Variants in RALB observed in about 807,000 individuals in gnomAD.
RALB encodes ras-related protein Ral-B.
A neutral mutation model predicts 21.3 loss-of-function variants in RALB; 16 were observed. The observed-to-expected ratio is 0.75, with a 90% confidence interval of 0.51 to 1.14. RALB has a LOEUF of 1.14. Among genes scored for constraint, RALB ranks in the 50% most tolerant of loss-of-function variants. The pLI is 0.00. For missense variants in RALB, 161 were observed against 256.2 expected, an observed-to-expected ratio of 0.63 and a Z score of 2.54; for synonymous variants, 93 against 96.1, an observed-to-expected ratio of 0.97 and a Z score of 0.19.
intron 1 of RALB, among the ~76,000 whole-genome samples, chr2:120,272,374 A>G (rs1689685009): frequency 6.6e-6 from 1 of 152,248 alleles, no homozygotes; most frequent in Non-Finnish European, 1.5e-5. Flanking sequence ...TCTGTGCTTC[A>G]TGTTAGGGAC....
At chr2:120,279,323 C>T (rs565804827) in intron 2 of RALB, among the ~76,000 whole-genome samples, 12 of 152,036 alleles carry the variant, frequency 7.9e-5, no homozygotes, top group Non-Finnish European at 1.6e-4. Flanking sequence ...AGCCTTGATC[C>T]CCGGAGCTAC....
At chr2:120,291,375 T>C (rs1690300233) in intron 4 of RALB, among the ~76,000 whole-genome samples, 1 of 152,224 alleles carries the variant, frequency 6.6e-6, no homozygotes, top group Non-Finnish European at 1.5e-5. Context: ...AAAATATTTT[T>C]ATTAAATTAT....
At chr2:120,240,311 G>T (rs1281971505) in intron 1 of RALB, among the ~76,000 whole-genome samples, 1 of 149,786 alleles carries the variant, frequency 6.7e-6, no homozygotes, top group African/African-American at 2.5e-5. Context: ...TTGAGACAGG[G>T]TCTCCCTCTG....
chr2:120,293,531 A>G lies in RALB; in HGVS notation c.*271A>G. ...AAAGCTTAGCTATGTATAAAGTGCC[A>G]CAGATAGGAAACAGCTGTTAATTAC... On this transcript the variant is annotated 3_prime_UTR_variant, in exon 5 of 5. Transcript: ENST00000272519. The G allele has an allele frequency of 4.7e-6, 1 of 212,500 alleles. No homozygotes were observed. Among genetic ancestry groups the G allele is most frequent in the Non-Finnish European group, 9.3e-6 (1 of 107,730 alleles). The allele number at this position is 212,500 out of a possible 1,614,324, so 13.2% of individuals were successfully genotyped here.
At chr2:120,277,676 G>A (rs981994165) in intron 1 of RALB, among the ~76,000 whole-genome samples, 2 of 75,906 alleles carry the variant, frequency 2.6e-5, no homozygotes, top group Admixed American at 1.1e-4. Context: ...CGTTGTGAAC[G>A]TGTTATGAGT....
intron 1 of RALB, among the ~76,000 whole-genome samples, chr2:120,262,542 G>T (rs1304688802): frequency 6.6e-6 from 1 of 152,050 alleles, no homozygotes; most frequent in Non-Finnish European, 1.5e-5. Flanking sequence ...CTGCACTTCT[G>T]GTGGTGACTG....
intron 1 of RALB, among the ~76,000 whole-genome samples, chr2:120,256,476 C>G (rs1244500731): frequency 6.6e-6 from 1 of 151,888 alleles, no homozygotes; most frequent in Non-Finnish European, 1.5e-5. Flanking sequence ...GTAATTGAAT[C>G]ATGAGGGCAG....
At chr2:120,291,242 C>T (rs1690296720) in intron 4 of RALB, among the ~76,000 whole-genome samples, 1 of 152,184 alleles carries the variant, frequency 6.6e-6, no homozygotes, top group African/African-American at 2.4e-5. Flanking sequence ...ATATAGGATA[C>T]ATATATTGTA....
At chr2:120,251,223 C>G (rs914037124), upstream of RALB, among the ~76,000 whole-genome samples, 6 of 152,198 alleles carry the variant, frequency 3.9e-5, no homozygotes, top group Admixed American at 2.0e-4. Context: ...TTGCATTTGA[C>G]AAAGGGTACC....
upstream of RALB, among the ~76,000 whole-genome samples, chr2:120,249,618 G>C (rs1689022806): frequency 1.3e-5 from 2 of 152,158 alleles, no homozygotes; most frequent in Non-Finnish European, 2.9e-5. Flanking sequence ...CTCACTCATT[G>C]CCAAGGAGTA....
At chr2:120,245,940 C>A (rs1171102795) in intron 1 of RALB, among the ~76,000 whole-genome samples, 2 of 152,176 alleles carry the variant, frequency 1.3e-5, no homozygotes, top group Non-Finnish European at 2.9e-5. Context: ...GCCCTTTGAT[C>A]CCCACCCCAG....
chr2:120,290,632 C>CT lies in RALB; in HGVS notation c.501+887dup, dbSNP rs34133052. 2.5e-3 allele frequency among the ~76,000 whole-genome samples: 364 copies of CT among 148,384 alleles called. 7 individuals are homozygous for CT. The highest frequency in any genetic ancestry group is 6.1e-3 in the East Asian group (31 of 5,056). ...CTCAGAACTCAAATCTCTGGGATCT[C>CT]TTTTTTTTTTTTATCTCTTATCCCA... On this transcript the variant is annotated intron_variant, in intron 4 of 4. Coordinates refer to ENST00000272519, the MANE Select transcript of RALB (RefSeq NM_002881.3).
At chr2:120,244,931 G>A (rs947808527) in intron 1 of RALB, among the ~76,000 whole-genome samples, 7 of 152,216 alleles carry the variant, frequency 4.6e-5, no homozygotes, top group African/African-American at 1.4e-4. Context: ...GAGGCCAGGA[G>A]TCCCAAAAGT....
At position 120,252,942 on chromosome 2, in the gene RALB, G is replaced by C; in HGVS notation, c.-86G>C. The C allele has an allele frequency of 1.0e-6, 1 of 985,740 alleles. No individual in the cohort carries two copies. Among genetic ancestry groups the C allele is most frequent in the African/African-American group, 1.7e-5 (1 of 57,310 alleles). 61.1% of individuals were successfully genotyped at this position (985,740 alleles called of 1,614,324 possible). On this transcript the variant is annotated 5_prime_UTR_variant, in exon 1 of 5. Transcript: ENST00000272519. ...GGCGGGGCGCGTTTAAGAGCTGCGGGCCGGGTGCGGACGGCGGAGGCGGCG... is the reference window on the plus strand; with the variant it reads ...GGCGGGGCGCGTTTAAGAGCTGCGGCCCGGGTGCGGACGGCGGAGGCGGCG...
chr2:120,291,345 CTTATA>C (rs1558958945), intron 4 of RALB, among the ~76,000 whole-genome samples: 1 of 152,170 alleles, frequency 6.6e-6, no homozygotes, highest in Non-Finnish European at 1.5e-5. Flanking sequence ...CTCTTACACT[CTTATA>C]TTATTGTGCT....
intron 1 of RALB, among the ~76,000 whole-genome samples, chr2:120,274,356 A>G (rs926967040): frequency 2.6e-5 from 4 of 152,062 alleles, no homozygotes; most frequent in Non-Finnish European, 5.9e-5. Flanking sequence ...AAAAAAAAGT[A>G]CGTAATTTGC....
intron 1 of RALB, 41 bp from the exon 2 acceptor site, chr2:120,278,577 A>G (rs1294627651): frequency 1.6e-5 from 22 of 1,388,576 alleles, no homozygotes; most frequent in Non-Finnish European, 2.1e-5. Flanking sequence ...AGCTAGGTTG[A>G]AAGCAAATCG....
chr2:120,283,700 G>A (rs1401100972), intron 2 of RALB, among the ~76,000 whole-genome samples: 1 of 152,190 alleles, frequency 6.6e-6, no homozygotes, highest in Non-Finnish European at 1.5e-5. Flanking sequence ...TCAGTCTCTG[G>A]CAGCTTAGAG....
chr2:120,253,530 C>T (rs776547673), intron 1 of RALB: 34 of 985,644 alleles, frequency 3.4e-5, no homozygotes, highest in Non-Finnish European at 4.0e-5. Context: ...TAGGGGCCAG[C>T]GGCGAAGGGG....
Sources: gnomAD v4.1 joint callset for allele counts (sites outside exome capture counted in the v4.1 genomes callset) on GRCh38, gnomAD v4.1.1 for gene constraint, MANE v1.5 for transcripts, NCBI Gene and HGNC (gene_info 2026-07-23, HGNC 2026-07-21) for gene names.